The following SNX29 variants were observed in gnomAD, a reference collection of about 807,000 sequenced individuals.
SNX29 encodes the protein sorting nexin 29.
In SNX29, 78 loss-of-function variants were observed where a neutral mutation model predicts 102.1. The observed-to-expected ratio is 0.76, with a 90% CI of 0.64 to 0.92. The LOEUF (loss-of-function observed/expected upper bound fraction) is 0.92, where lower values mean the gene tolerates loss of function less well. SNX29 is among the 40% of genes least tolerant of loss of function. The pLI is 0.00. For synonymous variants in SNX29, 580 were observed against 414.5 expected, an observed-to-expected ratio of 1.40 and a Z score of -4.85; for missense variants, 1,280 against 1,061.7, an observed-to-expected ratio of 1.21 and a Z score of -2.86.
chr16:12,029,642 A>C (rs895681994), intron 4 of SNX29: 1 of 450,264 alleles, frequency 2.2e-6, no homozygotes, highest in African/African-American at 2.1e-5. Context: ...CCCAGTCTGG[A>C]GTGCAGTGGC....
chr16:12,378,195 G>A (rs2082946375), intron 16 of SNX29, among the ~76,000 whole-genome samples: 1 of 152,198 alleles, frequency 6.6e-6, no homozygotes, highest in Admixed American at 6.5e-5. Flanking sequence ...CGATTCTGAT[G>A]ACTGGAAAGT....
chr16:12,243,774 C>G (rs960538352), intron 14 of SNX29, among the ~76,000 whole-genome samples: 3 of 152,200 alleles, frequency 2.0e-5, no homozygotes, highest in Non-Finnish European at 4.4e-5. Context: ...TCTCAGAGCA[C>G]CAGGTGGCTT....
At chr16:12,196,249 A>G (rs35419352) in intron 13 of SNX29, among the ~76,000 whole-genome samples, 1 of 152,062 alleles carries the variant, frequency 6.6e-6, no homozygotes, top group African/African-American at 2.4e-5. Flanking sequence ...AGCATGAGCC[A>G]CCACGCCTGG....
chr16:12,221,423 T>A (rs1480545136), intron 14 of SNX29, among the ~76,000 whole-genome samples: 1 of 152,218 alleles, frequency 6.6e-6, no homozygotes, highest in East Asian at 1.9e-4. Flanking sequence ...GAGATCAGCC[T>A]GGCCATCATG....
intron 19 of SNX29, among the ~76,000 whole-genome samples, chr16:12,493,164 GGATGGAATGTTCTTCCATTT>G (rs1166655313): frequency 6.6e-6 from 1 of 152,218 alleles, no homozygotes; most frequent in African/African-American, 2.4e-5. Flanking sequence ...CTACCCATGA[GGATGGAATGTTCTTCCATTT>G]GATGGAATGT....
intron 4 of SNX29, among the ~76,000 whole-genome samples, chr16:12,031,214 A>G (rs772894609): frequency 2.4e-4 from 37 of 151,998 alleles, no homozygotes; most frequent in Non-Finnish European, 4.7e-4. Context: ...CTGGCACTAC[A>G]GGTGTGTACC....
intron 13 of SNX29, among the ~76,000 whole-genome samples, chr16:12,196,562 G>A (rs2076777906): frequency 6.6e-6 from 1 of 151,310 alleles, no homozygotes; most frequent in Non-Finnish European, 1.5e-5. Context: ...CATCTCAAAT[G>A]TCCAACTCTG....
At chr16:12,123,446 C>G (rs1209263232) in intron 11 of SNX29, among the ~76,000 whole-genome samples, 2 of 152,136 alleles carry the variant, frequency 1.3e-5, no homozygotes, top group Non-Finnish European at 2.9e-5. Flanking sequence ...ACCCATCTCT[C>G]TCACATCCTC....
At chr16:12,166,501 A>G (rs1032181713) in intron 13 of SNX29, among the ~76,000 whole-genome samples, 1 of 152,220 alleles carries the variant, frequency 6.6e-6, no homozygotes, top group Non-Finnish European at 1.5e-5. Context: ...GGCGGGGGGC[A>G]TAGGCAGCCG....
intron 13 of SNX29, among the ~76,000 whole-genome samples, chr16:12,139,328 A>G (rs1476946444): frequency 1.3e-5 from 2 of 151,504 alleles, no homozygotes; most frequent in Non-Finnish European, 2.9e-5. Context: ...GTTATTACTG[A>G]CAGTCACAGT....
At chr16:12,562,080 A>T (rs1233980888) in intron 20 of SNX29, among the ~76,000 whole-genome samples, 2 of 152,166 alleles carry the variant, frequency 1.3e-5, no homozygotes, top group South Asian at 4.1e-4. Context: ...TTTTCTGCCC[A>T]GTAGTTTGAA....
chr16:12,561,193 GC>G (rs2078704733), intron 20 of SNX29: 1 of 230,466 alleles, frequency 4.3e-6, no homozygotes, highest in East Asian at 6.2e-5. Flanking sequence ...CTCTGATACT[GC>G]CCATCAGGAC....
intron 13 of SNX29, among the ~76,000 whole-genome samples, chr16:12,160,733 G>C (rs1441124222): frequency 1.3e-5 from 2 of 152,174 alleles, no homozygotes; most frequent in African/African-American, 4.8e-5. Flanking sequence ...TTAGAAAAAA[G>C]TAAGGAGATT....
intron 5 of SNX29, among the ~76,000 whole-genome samples, chr16:12,045,873 C>G (rs1435541631): frequency 2.6e-5 from 4 of 152,180 alleles, no homozygotes; most frequent in East Asian, 1.9e-4. Flanking sequence ...GATCCTCCCC[C>G]CTGGCCTCCT....
intron 11 of SNX29, among the ~76,000 whole-genome samples, chr16:12,113,770 C>G (rs902949144): frequency 2.0e-5 from 3 of 152,228 alleles, no homozygotes; most frequent in African/African-American, 7.2e-5. Flanking sequence ...GGTCATATCT[C>G]TGCTGGTTGC....
rs759256422 is a variant in SNX29 at position 12,571,266 on chromosome 16, G to C, written c.*2637G>C. On this transcript the variant is annotated 3_prime_UTR_variant, in exon 21 of 21. Coordinates refer to ENST00000566228, the MANE Select transcript of SNX29 (RefSeq NM_032167.5). ...AGAAACACCCAGGCCTAGCAGAATT[G>C]TGGCTGAAACCTGGTGCCCAAATTC... 1 of 232,126 alleles carries C rather than the reference G, an allele frequency of 4.3e-6. No homozygotes were observed. The highest frequency in any genetic ancestry group is 8.5e-6 in the Non-Finnish European group (1 of 117,362). The allele number at this position is 232,126 out of a possible 1,614,324, so 14.4% of individuals were successfully genotyped here.
At chr16:12,554,292 T>G (rs546696848) in intron 20 of SNX29, among the ~76,000 whole-genome samples, 1 of 152,338 alleles carries the variant, frequency 6.6e-6, no homozygotes, top group South Asian at 2.1e-4. Flanking sequence ...GGTGCTTGCT[T>G]CATATGAGGT....
At chr16:12,185,962 T>G (rs1394320932) in intron 13 of SNX29, among the ~76,000 whole-genome samples, 1 of 152,204 alleles carries the variant, frequency 6.6e-6, no homozygotes, top group Non-Finnish European at 1.5e-5. Context: ...TCTGCTGGAA[T>G]TGTCACAGAG....
intron 20 of SNX29, among the ~76,000 whole-genome samples, chr16:12,542,082 C>G (rs566367574): frequency 2.0e-5 from 3 of 152,134 alleles, no homozygotes; most frequent in African/African-American, 4.8e-5. Context: ...AGTCCAAATC[C>G]TGCAATATTG....
Sources: allele counts gnomAD v4.1 joint callset (sites outside exome capture counted in the v4.1 genomes callset), GRCh38; gene constraint gnomAD v4.1.1; transcripts MANE v1.5; gene names NCBI Gene and HGNC (gene_info 2026-07-23, HGNC 2026-07-21).